FBXW4: variants seen among roughly 807,000 people sequenced by gnomAD.
FBXW4 encodes F-box/WD repeat-containing protein 4.
Under a neutral mutation model 61.8 loss-of-function variants are expected in FBXW4, and 40 were observed. The observed-to-expected ratio is 0.65, with a 90% CI of 0.50 to 0.84. The LOEUF is 0.84. Among genes scored for constraint, FBXW4 ranks in the 40% least tolerant of loss-of-function variants. FBXW4 has a pLI of 0.00. For missense variants in FBXW4, 672 were observed against 753.8 expected (o/e 0.89, Z 1.27); for synonymous variants, 311 against 313.8 (o/e 0.99, Z 0.10).
chr10:101,634,822 T>C lies in FBXW4; in HGVS notation c.1236-10012A>G, dbSNP rs192377729. On this transcript the variant is annotated intron_variant, in intron 5 of 8. Transcript: ENST00000331272. ...AATATAGGAAAATAGTTTTATAATCTTGGAAAGACATTCTTAAGATAAACA... is the reference window on the plus strand; with the variant it reads ...AATATAGGAAAATAGTTTTATAATCCTGGAAAGACATTCTTAAGATAAACA... 2.3e-4 allele frequency among the ~76,000 whole-genome samples: 34 copies of C among 149,578 alleles called. 1 individual carries two copies. In the East Asian group the frequency reaches 4.6e-3, roughly 20 times the overall value.
intron 1 of FBXW4, among the ~76,000 whole-genome samples, chr10:101,686,288 G>C (rs1053423414): frequency 2.0e-5 from 3 of 152,152 alleles, no homozygotes; most frequent in African/African-American, 7.2e-5. Flanking sequence ...AAAGTAAACA[G>C]GTCCCTCTAT....
intron 5 of FBXW4, among the ~76,000 whole-genome samples, chr10:101,628,384 C>T (rs192342030): frequency 1.7e-4 from 26 of 152,328 alleles, no homozygotes; most frequent in African/African-American, 5.8e-4. Context: ...CCTTTCCATA[C>T]TCATGGGACA....
chr10:101,640,153 C>G (rs1038798915), intron 5 of FBXW4, among the ~76,000 whole-genome samples: 1 of 152,232 alleles, frequency 6.6e-6, no homozygotes, highest in Non-Finnish European at 1.5e-5. Flanking sequence ...CAGAACCACA[C>G]AGGCTGGCCT....
chr10:101,668,907 C>A (rs2064332712), intron 4 of FBXW4, among the ~76,000 whole-genome samples: 1 of 152,208 alleles, frequency 6.6e-6, no homozygotes, highest in Admixed American at 6.5e-5. Context: ...GATCCAGAGG[C>A]AGCCAGATGG....
intron 5 of FBXW4, among the ~76,000 whole-genome samples, chr10:101,663,098 G>A (rs551347156): frequency 1.9e-4 from 29 of 152,268 alleles, no homozygotes; most frequent in Non-Finnish European, 4.0e-4. Flanking sequence ...AGGGAACTGG[G>A]TACAAACTAC....
chr10:101,615,593 C>T (rs1249012170), intron 6 of FBXW4, among the ~76,000 whole-genome samples: 2 of 152,038 alleles, frequency 1.3e-5, no homozygotes, highest in African/African-American at 4.8e-5. Context: ...TGCGGCCACA[C>T]CCCTGAGAGG....
At chr10:101,637,608 T>A (rs11817043) in intron 5 of FBXW4, among the ~76,000 whole-genome samples, 1 of 145,026 alleles carries the variant, frequency 6.9e-6, no homozygotes, top group Non-Finnish European at 1.5e-5. Context: ...CTTGGGAAGC[T>A]GAGGCATGAG....
chr10:101,683,630 T>A (rs1276650472), intron 1 of FBXW4, among the ~76,000 whole-genome samples: 1 of 152,106 alleles, frequency 6.6e-6, no homozygotes, highest in East Asian at 1.9e-4. Context: ...AAACCTAGTC[T>A]GAAGAAAACT....
chr10:101,627,618 G>A (rs544875298), intron 5 of FBXW4, among the ~76,000 whole-genome samples: 11 of 152,310 alleles, frequency 7.2e-5, no homozygotes, highest in East Asian at 1.9e-4. Context: ...TAGAAAGGGC[G>A]TGCGCACATG....
rs2064371681 is a variant in FBXW4 at position 101,672,914 on chromosome 10, C to T, written c.1140+1G>A. ...AGTATGTAAGGGGGAGACCACCTCA[C>T]CTTGGCCGTCCTGTCCCTGGAGCCA... On this transcript the variant is annotated splice_donor_variant, in intron 4 of 8. Coordinates refer to ENST00000331272, the MANE Select transcript of FBXW4 (RefSeq NM_022039.4). LOFTEE classifies it high-confidence loss of function. The T allele has an allele frequency of 1.2e-6, 2 of 1,614,072 alleles. No individual in the cohort carries two copies. Among genetic ancestry groups the T allele is most frequent in the South Asian group, 1.1e-5 (1 of 91,070 alleles).
At chr10:101,627,709 A>G (rs926896539) in intron 5 of FBXW4, among the ~76,000 whole-genome samples, 1 of 152,198 alleles carries the variant, frequency 6.6e-6, no homozygotes, top group Non-Finnish European at 1.5e-5. Context: ...GGTGCTTCAC[A>G]TCTCACAATG....
At chr10:101,626,246 C>T (rs1190999180) in intron 5 of FBXW4, 1 of 152,654 alleles carries the variant, frequency 6.6e-6, no homozygotes, top group African/African-American at 2.4e-5. Flanking sequence ...CTGTGCCATG[C>T]CCCAAGTGAC....
intron 6 of FBXW4, among the ~76,000 whole-genome samples, chr10:101,613,735 T>C (rs2063805701): frequency 6.6e-6 from 1 of 152,304 alleles, no homozygotes; most frequent in South Asian, 2.1e-4. Context: ...AGGAGGAGAC[T>C]GGGGGTTCCT....
At chr10:101,654,901 G>A (rs2064173367) in intron 5 of FBXW4, among the ~76,000 whole-genome samples, 1 of 152,246 alleles carries the variant, frequency 6.6e-6, no homozygotes, top group Admixed American at 6.5e-5. Flanking sequence ...TCAGCTGACT[G>A]CAGCCTCAAT....
chr10:101,613,481 G>A (rs2063803828), intron 6 of FBXW4, among the ~76,000 whole-genome samples: 1 of 152,250 alleles, frequency 6.6e-6, no homozygotes, highest in Non-Finnish European at 1.5e-5. Flanking sequence ...GAGAAACAAG[G>A]CCGTGGACAC....
intron 4 of FBXW4, among the ~76,000 whole-genome samples, chr10:101,669,849 G>T (rs2134889043): frequency 6.6e-6 from 1 of 151,944 alleles, no homozygotes; most frequent in East Asian, 1.9e-4. Context: ...CCGCCTCCTG[G>T]GTTCATGCCA....
chr10:101,693,452 C>T (rs1228526777), intron 1 of FBXW4, among the ~76,000 whole-genome samples: 1 of 152,130 alleles, frequency 6.6e-6, no homozygotes, highest in Admixed American at 6.5e-5. Context: ...CAAACATTTA[C>T]TATGTACCTA....
chr10:101,645,726 C>T (rs1303482542), intron 5 of FBXW4, among the ~76,000 whole-genome samples: 2 of 152,202 alleles, frequency 1.3e-5, no homozygotes, highest in Non-Finnish European at 2.9e-5. Flanking sequence ...ACCAGAGAAT[C>T]AAGTCTTGAA....
At chr10:101,683,963 T>C (rs1201441236) in intron 1 of FBXW4, among the ~76,000 whole-genome samples, 1 of 151,966 alleles carries the variant, frequency 6.6e-6, no homozygotes, top group Non-Finnish European at 1.5e-5. Flanking sequence ...TTATTTTATT[T>C]TAATTAATTA....
Sources: gnomAD v4.1 joint callset for allele counts (sites outside exome capture counted in the v4.1 genomes callset) on GRCh38, gnomAD v4.1.1 for gene constraint, MANE v1.5 for transcripts, NCBI Gene and HGNC (gene_info 2026-07-23, HGNC 2026-07-21) for gene names.